Variants in MSI2 observed in about 807,000 individuals in gnomAD.
MSI2 encodes musashi RNA binding protein 2.
Under a neutral mutation model 45.6 loss-of-function variants are expected in MSI2, and 17 were observed. The observed-to-expected ratio is 0.37, with a 90% CI of 0.26 to 0.56. The LOEUF is 0.56. Among genes scored for constraint, MSI2 ranks in the 20% least tolerant of loss-of-function variants. The pLI, the probability that MSI2 is intolerant of heterozygous loss-of-function variation, is 0.77. For missense variants in MSI2, 293 were observed against 444.2 expected, an observed-to-expected ratio of 0.66 and a Z score of 3.06; for synonymous variants, 156 against 158.2, an observed-to-expected ratio of 0.99 and a Z score of 0.11.
At chr17:57,693,705 A>C in the MSI2 span, among the ~76,000 whole-genome samples, 1 of 152,202 alleles carries the variant, frequency 6.6e-6, no homozygotes. Flanking sequence ...TCATATTTGA[A>C]TCTGGTTTTG....
rs540973089 is a variant in MSI2 at position 57,493,710 on chromosome 17, T to C, written c.406-35966T>C. Among the ~76,000 whole-genome samples the C allele has an allele frequency of 6.6e-5, 10 of 151,558 alleles. No individual in the cohort carries two copies. In the East Asian group the frequency reaches 1.9e-3, roughly 29 times the overall value. On this transcript the variant is annotated intron_variant, in intron 6 of 13. Transcript: ENST00000284073. ...AGAAGGAGTATTGGAGATCCCATCA[T>C]CTCATCTGCCTGTGGTCATTATTAC...
intron 10 of MSI2, chr17:57,630,186 C>CG (rs549292953): frequency 2.0e-5 from 2 of 98,702 alleles, no homozygotes; most frequent in African/African-American, 6.5e-5. Context: ...ACTGGGGGGG[C>CG]GGGGGATGGA....
intron 7 of MSI2, among the ~76,000 whole-genome samples, chr17:57,583,488 C>CTTTTTTTTTTTTTTTTT (rs5821192): frequency 7.1e-5 from 7 of 98,042 alleles, no homozygotes; most frequent in East Asian, 3.5e-4. Flanking sequence ...CCCAATGTTT[C>CTTTTTTTTTTTTTTTTT]TTTTTTTTTT....
At chr17:57,657,832 G>T (rs16942124) in intron 11 of MSI2, among the ~76,000 whole-genome samples, 2,387 of 152,234 alleles carry the variant, frequency 0.016, 54 homozygotes, top group African/African-American at 0.053. Context: ...GGGTTCCCAG[G>T]TATTGCTTTC....
chr17:57,311,045 A>G (rs778073310), intron 5 of MSI2, among the ~76,000 whole-genome samples: 1 of 152,260 alleles, frequency 6.6e-6, no homozygotes, highest in Non-Finnish European at 1.5e-5. Context: ...TCTCTGCAAC[A>G]TGTGTCAAAT....
chr17:57,595,119 TCC>T (rs1905149727), intron 7 of MSI2, among the ~76,000 whole-genome samples: 1 of 152,174 alleles, frequency 6.6e-6, no homozygotes, highest in South Asian at 2.1e-4. Context: ...TTCCTGGTGT[TCC>T]TTGGAAGATG....
intron 5 of MSI2, among the ~76,000 whole-genome samples, chr17:57,301,679 A>G (rs112160107): frequency 1.3e-5 from 2 of 152,294 alleles, no homozygotes; most frequent in African/African-American, 4.8e-5. Context: ...TGTTCATTGA[A>G]TGAATGGGCC....
Position 57,677,110 on chromosome 17 carries a change from G to A in MSI2, c.*31+51G>A. ...CTGCCCTGCCGGTGTGTCCGTACAT[G>A]TATGTCCACAGGTCATACATGCACG... On this transcript the variant is annotated intron_variant, in intron 13 of 13. Transcript: ENST00000284073. 2.3e-6 allele frequency: 3 copies of A among 1,282,744 alleles called. No homozygotes were observed. The South Asian group carries it at 3.5e-5, about 15-fold the overall frequency. 79.5% of individuals were successfully genotyped at this position (1,282,744 alleles called of 1,614,324 possible).
intron 7 of MSI2, among the ~76,000 whole-genome samples, chr17:57,569,212 G>C (rs183604144): frequency 7.2e-5 from 11 of 152,140 alleles, no homozygotes; most frequent in Non-Finnish European, 1.6e-4. Context: ...TCATCTATTC[G>C]CCAGATGTTC....
In MSI2 at chr17:57,308,626, G is replaced by A. The variant is rs538784057; in HGVS notation, c.312+46434G>A. On this transcript the variant is annotated intron_variant, in intron 5 of 13. Coordinates refer to ENST00000284073, the MANE Select transcript of MSI2 (RefSeq NM_138962.4). ...CAGCTTTTGCTTGGTATGGACAGGT[G>A]TATACTTCCCTACCACAGGTGAGCC... 3.3e-5 allele frequency among the ~76,000 whole-genome samples: 5 copies of A among 152,294 alleles called. No homozygotes were observed. The East Asian group carries it at 5.8e-4, about 18-fold the overall frequency.
In MSI2 at chr17:57,355,966, G is replaced by A. The variant is rs559548347; in HGVS notation, c.313-45413G>A. 9.3e-4 allele frequency among the ~76,000 whole-genome samples: 142 copies of A among 152,264 alleles called. 1 individual carries two copies. In the South Asian group the frequency reaches 0.019, roughly 20 times the overall value. On this transcript the variant is annotated intron_variant, in intron 5 of 13. Transcript: ENST00000284073. ...CAGCTCCCTGCAACCTCTGCCTCCC[G>A]GGTTCAAGCAATTCTCCCTGCCCCA...
rs577624486 is a variant in MSI2 at position 57,345,907 on chromosome 17, C to A, written c.313-55472C>A. Among the ~76,000 whole-genome samples the A allele has an allele frequency of 8.6e-5, 13 of 151,946 alleles. No individual in the cohort carries two copies. The South Asian group carries it at 1.5e-3, about 17-fold the overall frequency. The stretch of plus-strand genomic sequence containing the variant: ...CTGTCCTTTTTCTGTTCTAGGACAT[C>A]ATTTACATTTAATAGCCCTGTCTTC... On this transcript the variant is annotated intron_variant, in intron 5 of 13. Coordinates refer to ENST00000284073, the MANE Select transcript of MSI2 (RefSeq NM_138962.4).
the MSI2 span, among the ~76,000 whole-genome samples, chr17:57,691,616 A>G: frequency 1.3e-5 from 2 of 152,302 alleles, no homozygotes; most frequent in Admixed American, 6.5e-5. Context: ...TTTAAAGGGT[A>G]CTTAACTTAA....
intron 5 of MSI2, among the ~76,000 whole-genome samples, chr17:57,330,000 C>G (rs1316853949): frequency 4.6e-5 from 7 of 151,698 alleles, no homozygotes; most frequent in Non-Finnish European, 1.0e-4. Context: ...GGTTGGTGGC[C>G]TTTGCCTATG....
intron 8 of MSI2, among the ~76,000 whole-genome samples, chr17:57,614,262 A>T (rs943551561): frequency 4.6e-5 from 7 of 152,326 alleles, no homozygotes; most frequent in African/African-American, 1.7e-4. Flanking sequence ...CACGATAGCC[A>T]GGCTGGTCTC....
At chr17:57,338,946 T>G (rs1377195367) in intron 5 of MSI2, among the ~76,000 whole-genome samples, 3 of 152,164 alleles carry the variant, frequency 2.0e-5, no homozygotes, top group African/African-American at 7.2e-5. Context: ...CTGAAGAGGC[T>G]TTCCAGATCA....
At chr17:57,541,226 G>A (rs2087039151) in intron 7 of MSI2, among the ~76,000 whole-genome samples, 1 of 152,068 alleles carries the variant, frequency 6.6e-6, no homozygotes, top group African/African-American at 2.4e-5. Flanking sequence ...GGCCTGCAGG[G>A]CTCAGTCATT....
intron 9 of MSI2, 58 bp downstream of exon 9, chr17:57,616,142 C>A: frequency 1.5e-6 from 2 of 1,378,620 alleles, no homozygotes; most frequent in Non-Finnish European, 2.0e-6. Context: ...GAGGCCTCTA[C>A]TCCCAACTGG....
chr17:57,537,673 C>T (rs942463499), intron 7 of MSI2, among the ~76,000 whole-genome samples: 14 of 152,266 alleles, frequency 9.2e-5, no homozygotes, highest in Middle Eastern at 6.8e-3. Context: ...AACTCAATTC[C>T]GGAAGCGCCC....
Sources: allele counts gnomAD v4.1 joint callset (sites outside exome capture counted in the v4.1 genomes callset), GRCh38; gene constraint gnomAD v4.1.1; transcripts MANE v1.5; gene names NCBI Gene and HGNC (gene_info 2026-07-23, HGNC 2026-07-21).